Variants in PALD1 observed in about 807,000 individuals in gnomAD.
PALD1 encodes the protein phosphatase domain containing paladin 1.
A neutral mutation model predicts 96.0 loss-of-function variants in PALD1; 57 were observed. The ratio of observed to expected loss-of-function variants is 0.59; its 90% CI spans 0.48 to 0.74. The LOEUF (loss-of-function observed/expected upper bound fraction) is 0.74, where lower values mean the gene tolerates loss of function less well. PALD1 is among the 30% of genes least tolerant of loss of function. PALD1 has a pLI of 0.00. For missense variants in PALD1, 1,063 were observed against 1,143.7 expected (o/e 0.93, Z 1.02); for synonymous variants, 464 against 473.6 (o/e 0.98, Z 0.26).
chr10:70,461,237 T>C, the PALD1 span, among the ~76,000 whole-genome samples: 1 of 152,172 alleles, frequency 6.6e-6, no homozygotes, highest in Admixed American at 6.5e-5. Flanking sequence ...CTCCCACTCT[T>C]TGCCTGGCAC....
intron 18 of PALD1, among the ~76,000 whole-genome samples, chr10:70,551,266 A>C (rs1847472080): frequency 6.6e-6 from 1 of 151,988 alleles, no homozygotes; most frequent in African/African-American, 2.4e-5. Flanking sequence ...CTGTGGTATC[A>C]GCTGTTTATT....
intron 17 of PALD1, 72 bp from the exon 18 acceptor site, chr10:70,547,234 G>A (rs1847384567): frequency 3.5e-6 from 5 of 1,436,158 alleles, no homozygotes; most frequent in Non-Finnish European, 4.9e-6. Flanking sequence ...TTTGGTGAGG[G>A]TGCAAGCCTG....
chr10:70,543,204 G>A (rs2132404507), intron 17 of PALD1, among the ~76,000 whole-genome samples: 1 of 152,156 alleles, frequency 6.6e-6, no homozygotes, highest in Middle Eastern at 3.4e-3. Flanking sequence ...CTTCTTTGGA[G>A]AAATGTCTGT....
At chr10:70,555,210 A>C (rs1237910740) in intron 18 of PALD1, among the ~76,000 whole-genome samples, 1 of 150,590 alleles carries the variant, frequency 6.6e-6, no homozygotes, top group African/African-American at 2.4e-5. Context: ...CCTGGACTCA[A>C]GTGATCCACG....
At chr10:70,479,430 G>C (rs193035018) in intron 1 of PALD1, among the ~76,000 whole-genome samples, 1 of 152,322 alleles carries the variant, frequency 6.6e-6, no homozygotes, top group Admixed American at 6.5e-5. Context: ...TCATGACCGA[G>C]ATGGGGTCCT....
intron 1 of PALD1, among the ~76,000 whole-genome samples, chr10:70,519,194 C>T (rs535714693): frequency 1.3e-5 from 2 of 152,298 alleles, no homozygotes; most frequent in South Asian, 2.1e-4. Context: ...CTGCCCACCT[C>T]AGCCTCCCAA....
At chr10:70,519,185 T>C (rs984639557) in intron 1 of PALD1, among the ~76,000 whole-genome samples, 1 of 152,188 alleles carries the variant, frequency 6.6e-6, no homozygotes, top group East Asian at 1.9e-4. Flanking sequence ...TCAAGCAGTC[T>C]GCCCACCTCA....
At chr10:70,461,282 A>G in the PALD1 span, among the ~76,000 whole-genome samples, 5 of 152,312 alleles carry the variant, frequency 3.3e-5, no homozygotes, top group South Asian at 2.1e-4. Flanking sequence ...AGCTTAAGGG[A>G]TGACCTCCTT....
chr10:70,496,786 G>A (rs1846202627), intron 1 of PALD1, among the ~76,000 whole-genome samples: 1 of 152,204 alleles, frequency 6.6e-6, no homozygotes, highest in Admixed American at 6.5e-5. Flanking sequence ...GAACTGCTGG[G>A]TGCTGGGGTA....
intron 19 of PALD1, 46 bp downstream of exon 19, chr10:70,564,565 C>T: frequency 6.3e-7 from 1 of 1,582,822 alleles, no homozygotes; most frequent in Admixed American, 1.7e-5. Context: ...ATGGCTCCTG[C>T]AGATGGAGCT....
chr10:70,526,791 T>C (rs184530630), intron 2 of PALD1, among the ~76,000 whole-genome samples: 237 of 152,300 alleles, frequency 1.6e-3, no homozygotes, highest in Non-Finnish European at 2.4e-3. Context: ...CCTGGTGCGT[T>C]GAGAAGCCTT....
At chr10:70,462,095 G>T in the PALD1 span, among the ~76,000 whole-genome samples, 4 of 152,158 alleles carry the variant, frequency 2.6e-5, no homozygotes, top group African/African-American at 9.7e-5. Flanking sequence ...CCTCGGCTTG[G>T]CATCATGATT....
intron 18 of PALD1, among the ~76,000 whole-genome samples, chr10:70,550,071 C>T (rs935383660): frequency 2.0e-5 from 3 of 152,166 alleles, no homozygotes; most frequent in Admixed American, 6.5e-5. Flanking sequence ...CCTACCTGGC[C>T]AAATTCTTAG....
intron 1 of PALD1, among the ~76,000 whole-genome samples, chr10:70,520,911 C>T (rs975437232): frequency 5.9e-5 from 9 of 152,028 alleles, no homozygotes; most frequent in Non-Finnish European, 1.3e-4. Flanking sequence ...AAGCTGGTCT[C>T]GAATTCCTGA....
At chr10:70,496,297 A>C (rs1305339287) in intron 1 of PALD1, among the ~76,000 whole-genome samples, 1 of 151,728 alleles carries the variant, frequency 6.6e-6, no homozygotes, top group Non-Finnish European at 1.5e-5. Context: ...ATTTTCAGAT[A>C]GTGAATCAAG....
At chr10:70,505,496 C>T (rs1032530693) in intron 1 of PALD1, among the ~76,000 whole-genome samples, 7 of 151,516 alleles carry the variant, frequency 4.6e-5, no homozygotes, top group African/African-American at 9.7e-5. Context: ...TTCACCTACT[C>T]GGAAGGCTGA....
Position 70,539,702 on chromosome 10 carries a change from C to T in PALD1, c.1848C>T (p.Ala616=). 2 of 1,613,580 alleles carry T rather than the reference C, an allele frequency of 1.2e-6. No homozygotes were observed. The highest frequency in any genetic ancestry group is 8.5e-7 in the Non-Finnish European group (1 of 1,179,790). ...MQEVFSQHRR[A]CPGLTYHRIP... Reference sequence around the variant, plus strand: ...AGGTCTTCAGCCAGCACCGCAGGGCCTGTCCTGGCCTCACCTACCACCGCA... The same window carrying T: ...AGGTCTTCAGCCAGCACCGCAGGGCTTGTCCTGGCCTCACCTACCACCGCA... Residue 616 remains alanine (A), a synonymous_variant, in exon 15 of 20, where the codon GCC becomes GCT. Transcript: ENST00000263563. The surrounding 1 kb of genome is among the most constrained non-coding windows in gnomAD (Gnocchi z 4.5).
intron 9 of PALD1, 24 bp downstream of exon 9, chr10:70,534,548 TG>T: frequency 6.4e-7 from 1 of 1,556,576 alleles, no homozygotes; most frequent in Non-Finnish European, 8.8e-7. Context: ...AGCAAAGGGC[TG>T]GGGCAGGGGT....
At chr10:70,565,950 G>A (rs1240482061) in intron 19 of PALD1, among the ~76,000 whole-genome samples, 2 of 152,234 alleles carry the variant, frequency 1.3e-5, no homozygotes, top group African/African-American at 4.8e-5. Flanking sequence ...AGGCAGAAGT[G>A]TGGGTTCCAG....
Sources: gnomAD v4.1 joint callset for allele counts (sites outside exome capture counted in the v4.1 genomes callset) on GRCh38, gnomAD v4.1.1 for gene constraint, Gnocchi (gnomAD v3.1) non-coding constraint, MANE v1.5 for transcripts, NCBI Gene and HGNC (gene_info 2026-07-23, HGNC 2026-07-21) for gene names.